CNOT4: variants seen among roughly 807,000 people sequenced by gnomAD.
The protein encoded by CNOT4 is CCR4-NOT transcription complex subunit 4, also known as CCR4-associated factor 4.
Under a neutral mutation model 73.8 loss-of-function variants are expected in CNOT4, and 8 were observed. The observed-to-expected ratio is 0.11, with a 90% confidence interval of 0.06 to 0.20. The LOEUF (loss-of-function observed/expected upper bound fraction) is 0.20, where lower values mean the gene tolerates loss of function less well. CNOT4 is among the 10% of genes least tolerant of loss of function. The pLI is 1.00. For missense variants in CNOT4, 564 were observed against 883.4 expected, an observed-to-expected ratio of 0.64 and a Z score of 4.58; for synonymous variants, 293 against 321.1, an observed-to-expected ratio of 0.91 and a Z score of 0.94.
At chr7:135,376,972 T>C (rs115822360) in intron 10 of CNOT4, among the ~76,000 whole-genome samples, 5,295 of 152,266 alleles carry the variant, frequency 0.035, 305 homozygotes, top group African/African-American at 0.12. Context: ...CATTATTTTA[T>C]AAAACTAAAT....
At chr7:135,419,403 G>A (rs572117595) in intron 3 of CNOT4, among the ~76,000 whole-genome samples, 55 of 152,118 alleles carry the variant, frequency 3.6e-4, no homozygotes, top group African/African-American at 1.3e-3. Flanking sequence ...TTCACTAGAA[G>A]TTTTCCAAAT....
intron 1 of CNOT4, among the ~76,000 whole-genome samples, chr7:135,503,057 G>A (rs1046125467): frequency 6.6e-6 from 1 of 152,088 alleles, no homozygotes; most frequent in African/African-American, 2.4e-5. Context: ...GGAGACTGAG[G>A]CAGGAGAACC....
intron 3 of CNOT4, 92 bp downstream of exon 3, chr7:135,422,064 G>C: frequency 1.4e-6 from 1 of 739,294 alleles, no homozygotes. Flanking sequence ...GTGTTCAGAG[G>C]AATCACACAA....
intron 7 of CNOT4, among the ~76,000 whole-genome samples, chr7:135,401,675 A>G (rs1797009396): frequency 6.6e-6 from 1 of 152,200 alleles, no homozygotes; most frequent in Admixed American, 6.5e-5. Context: ...AATTGGAGAT[A>G]CCAATTCTAT....
rs1477063173 is a variant in CNOT4, at chr7:135,364,096, G to C, written c.1628-30C>G. 1 of 1,470,268 alleles carries C rather than the reference G, an allele frequency of 6.8e-7. No homozygotes were observed. The highest frequency in any genetic ancestry group is 2.0e-5 in the Admixed American group (1 of 50,476). The allele number at this position is 1,470,268 out of a possible 1,614,324, so 91.1% of individuals were successfully genotyped here. On this transcript the variant is annotated intron_variant, in intron 10 of 11. Coordinates refer to ENST00000541284, the MANE Select transcript of CNOT4 (RefSeq NM_001190850.2). This position sits in a 1 kb window ranked among gnomAD's most constrained non-coding sequence, Gnocchi z 4.3. ...GAGATTTACCAACAAAAAAATGAAAGATAAAAAAAAATAAAAAGCTACGTT... is the reference window on the plus strand; with the variant it reads ...GAGATTTACCAACAAAAAAATGAAACATAAAAAAAAATAAAAAGCTACGTT...
At chr7:135,506,580 T>C (rs925384933) in intron 1 of CNOT4, among the ~76,000 whole-genome samples, 2 of 152,236 alleles carry the variant, frequency 1.3e-5, no homozygotes, top group Non-Finnish European at 2.9e-5. Flanking sequence ...CCTGGCATGG[T>C]GGCTCACGTC....
intron 1 of CNOT4, among the ~76,000 whole-genome samples, chr7:135,480,848 G>T (rs1802329024): frequency 7.1e-6 from 1 of 141,446 alleles, no homozygotes; most frequent in Non-Finnish European, 1.5e-5. Context: ...CTGAAGAAAG[G>T]ACAGGCTAAT....
At chr7:135,385,523 T>G (rs1467394826) in intron 10 of CNOT4, among the ~76,000 whole-genome samples, 1 of 152,186 alleles carries the variant, frequency 6.6e-6, no homozygotes, top group Admixed American at 6.5e-5. Flanking sequence ...TAAAGTTGTT[T>G]TCTTTAAAGG....
At chr7:135,377,589 A>T (rs2129482789) in intron 10 of CNOT4, among the ~76,000 whole-genome samples, 1 of 152,356 alleles carries the variant, frequency 6.6e-6, no homozygotes, top group East Asian at 1.9e-4. Flanking sequence ...TGGTGTCTCA[A>T]TCTAAAAAGA....
At chr7:135,481,012 T>C (rs757433844) in intron 1 of CNOT4, among the ~76,000 whole-genome samples, 5 of 134,462 alleles carry the variant, frequency 3.7e-5, no homozygotes, top group Non-Finnish European at 7.9e-5. Context: ...AAAAAACACA[T>C]CAAGACATTG....
At position 135,363,857 on chromosome 7, in the gene CNOT4, T is replaced by C; in HGVS notation, c.1837A>G (p.Thr613Ala). ...CTGAAGGGAGTGAGAAAGTTACCTG[T>C]GATGATGGCTGGGTCTGTCCAGCTG... ...PGSWTDPAII[T>A]GIPASSGNSL... is the part of the protein sequence containing the mutation. Residue 613 changes from threonine to alanine, a missense_variant, in exon 11 of 12, where the codon ACA becomes GCA. Coordinates refer to ENST00000541284, the MANE Select transcript of CNOT4 (RefSeq NM_001190850.2). The surrounding 1 kb of genome is among the most constrained non-coding windows in gnomAD (Gnocchi z 4.3). The C allele has an allele frequency of 6.3e-7, 1 of 1,590,814 alleles. No homozygotes were observed. Among genetic ancestry groups the C allele is most frequent in the Admixed American group, 1.7e-5 (1 of 59,386 alleles).
intron 1 of CNOT4, among the ~76,000 whole-genome samples, chr7:135,509,352 G>A (rs1804586451): frequency 6.6e-6 from 1 of 152,050 alleles, no homozygotes; most frequent in Non-Finnish European, 1.5e-5. Flanking sequence ...CCAGAGGGGG[G>A]CAAAGGCTAA....
intron 5 of CNOT4, among the ~76,000 whole-genome samples, chr7:135,413,915 TA>T (rs905107724): frequency 2.0e-5 from 3 of 152,010 alleles, no homozygotes; most frequent in African/African-American, 7.2e-5. Flanking sequence ...TATGAGTGGT[TA>T]GACACATAAG....
At chr7:135,465,911 G>A (rs185229598) in intron 1 of CNOT4, among the ~76,000 whole-genome samples, 5 of 152,010 alleles carry the variant, frequency 3.3e-5, no homozygotes, top group African/African-American at 7.2e-5. Context: ...AGCCGGGCGT[G>A]GTGGCCAAGT....
intron 10 of CNOT4, among the ~76,000 whole-genome samples, chr7:135,370,937 A>T (rs1795171074): frequency 6.6e-6 from 1 of 152,212 alleles, no homozygotes; most frequent in African/African-American, 2.4e-5. Context: ...AAAAAGTCCA[A>T]CGCATCAAAA....
At chr7:135,486,687 T>A (rs1802740774) in intron 1 of CNOT4, among the ~76,000 whole-genome samples, 1 of 152,208 alleles carries the variant, frequency 6.6e-6, no homozygotes, top group Admixed American at 6.5e-5. Context: ...AACTGTGGTA[T>A]ACCCACACCA....
chr7:135,426,877 C>T (rs1290995987), intron 2 of CNOT4, among the ~76,000 whole-genome samples: 1 of 149,528 alleles, frequency 6.7e-6, no homozygotes, highest in Admixed American at 6.7e-5. Flanking sequence ...GAGTGGAGAT[C>T]ACGCCACTGT....
intron 1 of CNOT4, among the ~76,000 whole-genome samples, chr7:135,458,928 G>T (rs917325139): frequency 1.7e-4 from 26 of 151,858 alleles, no homozygotes; most frequent in African/African-American, 5.8e-4. Flanking sequence ...CATCAATCAG[G>T]GATGTTATTA....
At chr7:135,472,659 G>A (rs546151488) in intron 1 of CNOT4, among the ~76,000 whole-genome samples, 21 of 147,842 alleles carry the variant, frequency 1.4e-4, no homozygotes, top group Admixed American at 1.1e-3. Context: ...AAATTAAAGA[G>A]ACAGAACAAA....
Sources: gnomAD v4.1 joint callset for allele counts (sites outside exome capture counted in the v4.1 genomes callset) on GRCh38, gnomAD v4.1.1 for gene constraint, Gnocchi (gnomAD v3.1) non-coding constraint, MANE v1.5 for transcripts, NCBI Gene and HGNC (gene_info 2026-07-23, HGNC 2026-07-21) for gene names.